The following DPYD variants were observed in gnomAD, a reference collection of about 807,000 sequenced individuals.
The protein encoded by DPYD is dihydropyrimidine dehydrogenase [NADP(+)].
In DPYD, 109 loss-of-function variants were observed where a neutral mutation model predicts 116.2. That is an observed-to-expected ratio of 0.94 (90% confidence interval 0.80 to 1.10). The LOEUF (loss-of-function observed/expected upper bound fraction) is 1.10, where lower values mean the gene tolerates loss of function less well. Ranked by LOEUF, DPYD falls within the 50% of genes least tolerant of loss-of-function variation. The probability of loss-of-function intolerance (pLI) is 0.00; values close to 1 mark genes in which losing one functional copy is unlikely to be tolerated. For missense variants in DPYD, 1,302 were observed against 1,254.5 expected (o/e 1.04, Z -0.57); for synonymous variants, 440 against 432.0 (o/e 1.02, Z -0.23).
At chr1:97,735,685 C>CATAAATAAATAAATAA (rs5776378) in intron 4 of DPYD, among the ~76,000 whole-genome samples, 8 of 133,820 alleles carry the variant, frequency 6.0e-5, no homozygotes, top group African/African-American at 1.9e-4. Context: ...AAGACTCTGT[C>CATAAATAAATAAATAA]ATAAATAAAT....
intron 21 of DPYD, among the ~76,000 whole-genome samples, chr1:97,090,676 CAT>C (rs1649838001): frequency 6.6e-6 from 1 of 152,162 alleles, no homozygotes; most frequent in South Asian, 2.1e-4. Flanking sequence ...TAATTTTTAA[CAT>C]GTGTCTTTCT....
At chr1:97,224,551 G>A (rs984157969) in intron 19 of DPYD, among the ~76,000 whole-genome samples, 1 of 151,580 alleles carries the variant, frequency 6.6e-6, no homozygotes, top group Non-Finnish European at 1.5e-5. Flanking sequence ...CAAATATCTA[G>A]TATAAAATAC....
At chr1:97,570,945 G>A (rs575557605) in intron 11 of DPYD, among the ~76,000 whole-genome samples, 21 of 151,966 alleles carry the variant, frequency 1.4e-4, no homozygotes, top group African/African-American at 4.3e-4. Context: ...GATGAAAGGA[G>A]GTCTTCTGCG....
chr1:97,641,855 C>T (rs1052022230), intron 8 of DPYD, among the ~76,000 whole-genome samples: 6 of 152,126 alleles, frequency 3.9e-5, no homozygotes, highest in African/African-American at 9.7e-5. Context: ...AAAACCCCAT[C>T]GTCTCAGCCC....
intron 13 of DPYD, among the ~76,000 whole-genome samples, chr1:97,511,061 T>C (rs763014365): frequency 5.7e-4 from 86 of 151,822 alleles, no homozygotes; most frequent in Non-Finnish European, 1.0e-3. Flanking sequence ...CAACCAACTG[T>C]AAATGCATGA....
chr1:97,175,419 G>A (rs1326950339), intron 20 of DPYD, among the ~76,000 whole-genome samples: 1 of 152,188 alleles, frequency 6.6e-6, no homozygotes, highest in African/African-American at 2.4e-5. Flanking sequence ...CCTGTGTGAT[G>A]ACATATAAGT....
intron 18 of DPYD, among the ~76,000 whole-genome samples, chr1:97,285,456 C>T (rs975477915): frequency 3.5e-4 from 53 of 152,078 alleles, no homozygotes; most frequent in African/African-American, 1.2e-3. Flanking sequence ...AAATCTGAAC[C>T]ACTTATTACA....
rs371849498 is a variant in DPYD, at chr1:97,657,167, C to T, written c.850+21928G>A. On this transcript the variant is annotated intron_variant, in intron 8 of 22. Transcript: ENST00000370192. ...TATTTTTAGTAGAGATGGGGTTTCA[C>T]CACGTTGGCCAGGCTCGCCTTGAAC... is the stretch of plus-strand genomic sequence containing the variant. Among the ~76,000 whole-genome samples, 11 of 151,974 alleles carry T rather than the reference C, an allele frequency of 7.2e-5. No individual in the cohort carries two copies. The East Asian group carries it at 1.2e-3, about 16-fold the overall frequency.
At chr1:97,103,808 T>C (rs938644753) in intron 20 of DPYD, among the ~76,000 whole-genome samples, 1 of 138,078 alleles carries the variant, frequency 7.2e-6, no homozygotes, top group African/African-American at 3.3e-5. Context: ...ACTCACGATG[T>C]TGGTATAAGC....
chr1:97,898,296 G>A (rs1673183816), intron 1 of DPYD, among the ~76,000 whole-genome samples: 2 of 151,768 alleles, frequency 1.3e-5, no homozygotes, highest in East Asian at 3.9e-4. Context: ...CTGATCTGCA[G>A]GTTTCTCTCT....
intron 18 of DPYD, among the ~76,000 whole-genome samples, chr1:97,267,694 G>C (rs1664324867): frequency 6.6e-6 from 1 of 152,082 alleles, no homozygotes; most frequent in African/African-American, 2.4e-5. Context: ...TCATGAGGGT[G>C]GAGACTTATG....
At chr1:97,288,371 A>C (rs1665882638) in intron 18 of DPYD, among the ~76,000 whole-genome samples, 1 of 151,514 alleles carries the variant, frequency 6.6e-6, no homozygotes, top group Admixed American at 6.6e-5. Context: ...ACCCCAAATC[A>C]ACAGAATATA....
chr1:97,817,968 G>A (rs1255949567), intron 3 of DPYD, among the ~76,000 whole-genome samples: 6 of 151,940 alleles, frequency 3.9e-5, no homozygotes, highest in African/African-American at 7.2e-5. Flanking sequence ...CTAGAGTAAC[G>A]ACTTAGCTCT....
intron 11 of DPYD, among the ~76,000 whole-genome samples, chr1:97,572,257 A>G (rs1287846961): frequency 1.3e-5 from 2 of 151,936 alleles, no homozygotes; most frequent in East Asian, 1.9e-4. Context: ...CTCCTTCTTC[A>G]TATTTTATAT....
intron 20 of DPYD, among the ~76,000 whole-genome samples, chr1:97,179,301 C>T (rs927781209): frequency 6.6e-6 from 1 of 152,044 alleles, no homozygotes; most frequent in Non-Finnish European, 1.5e-5. Flanking sequence ...GTTTGTTTCA[C>T]TTGGGACCTA....
chr1:97,394,710 G>C (rs1197820487), intron 14 of DPYD, among the ~76,000 whole-genome samples: 2 of 151,930 alleles, frequency 1.3e-5, no homozygotes, highest in Admixed American at 1.3e-4. Context: ...CCTTCAATTT[G>C]TAAAAAAAGC....
chr1:97,419,135 A>C (rs1455931142), intron 14 of DPYD, among the ~76,000 whole-genome samples: 2 of 152,194 alleles, frequency 1.3e-5, no homozygotes, highest in Non-Finnish European at 2.9e-5. Context: ...TCCATTATGC[A>C]AAACCAAATT....
intron 19 of DPYD, among the ~76,000 whole-genome samples, chr1:97,204,149 G>A (rs1659438919): frequency 6.6e-6 from 1 of 152,094 alleles, no homozygotes; most frequent in African/African-American, 2.4e-5. Flanking sequence ...CATATTTATG[G>A]GAGGGCTAGA....
intron 8 of DPYD, among the ~76,000 whole-genome samples, chr1:97,637,717 T>A (rs1657653176): frequency 6.6e-6 from 1 of 152,174 alleles, no homozygotes; most frequent in African/African-American, 2.4e-5. Context: ...AGCCAACGAA[T>A]ATTTTAAGAA....
Sources: gnomAD v4.1 joint callset for allele counts (sites outside exome capture counted in the v4.1 genomes callset) on GRCh38, gnomAD v4.1.1 for gene constraint, MANE v1.5 for transcripts, NCBI Gene and HGNC (gene_info 2026-07-23, HGNC 2026-07-21) for gene names.